The following CAST variants were observed in gnomAD, a reference collection of about 807,000 sequenced individuals.
CAST encodes calpastatin, also known as MIR583 host.
In CAST, 76 loss-of-function variants were observed where a neutral mutation model predicts 119.6. That is an observed-to-expected ratio of 0.64 (90% confidence interval 0.53 to 0.77). CAST has a LOEUF of 0.77. Ranked by LOEUF, CAST falls within the 30% of genes least tolerant of loss-of-function variation. The probability of loss-of-function intolerance (pLI) is 0.00; values close to 1 mark genes in which losing one functional copy is unlikely to be tolerated. For missense variants in CAST, 953 were observed against 946.5 expected (o/e 1.01, Z -0.09); for synonymous variants, 319 against 331.6 (o/e 0.96, Z 0.41).
chr5:96,535,852 C>A (rs1439832730), intron 1 of CAST, among the ~76,000 whole-genome samples: 2 of 150,686 alleles, frequency 1.3e-5, no homozygotes, highest in Admixed American at 1.3e-4. Context: ...GGATTACAGG[C>A]GTGAGCCACT....
the CAST span, among the ~76,000 whole-genome samples, chr5:96,357,933 G>A: frequency 6.6e-6 from 1 of 152,296 alleles, no homozygotes; most frequent in South Asian, 2.1e-4. Context: ...ACCTCTGGTA[G>A]AATTCGGCTG....
chr5:96,379,868 C>A, the CAST span, among the ~76,000 whole-genome samples: 1 of 151,996 alleles, frequency 6.6e-6, no homozygotes, highest in Non-Finnish European at 1.5e-5. Flanking sequence ...CTGGGTTAGC[C>A]CTATCCATGG....
the CAST span, among the ~76,000 whole-genome samples, chr5:96,509,208 A>G: frequency 6.6e-6 from 1 of 152,230 alleles, no homozygotes; most frequent in Non-Finnish European, 1.5e-5. Context: ...TCAGCAAAGA[A>G]CAGACCCAGT....
At chr5:96,435,030 C>T in the CAST span, among the ~76,000 whole-genome samples, 12 of 152,192 alleles carry the variant, frequency 7.9e-5, no homozygotes, top group Non-Finnish European at 1.5e-4. Context: ...GGTAAGCTGT[C>T]TTCTTTTCCC....
rs1425794250 is a variant in CAST, at chr5:96,631,371, T to A, written c.61-44168T>A. Among the ~76,000 whole-genome samples, 4 of 141,022 alleles carry A rather than the reference T, an allele frequency of 2.8e-5. 1 individual carries two copies. The East Asian group carries it at 8.3e-4, about 29-fold the overall frequency. The allele number at this position is 141,022 out of a possible 152,430, so 92.5% of individuals were successfully genotyped here. A position where few individuals can be genotyped will look rare whatever the true frequency, so the allele number is the denominator to read the frequency against. ...TGTAATCATAAAATATGTGTCCTTT[T>A]TTGTCTGACTCCTTTCATTTAGTGT... On this transcript the variant is annotated intron_variant, in intron 1 of 11. Transcript: ENST00000505143.
chr5:96,005,806 T>C, the CAST span, among the ~76,000 whole-genome samples: 1 of 152,050 alleles, frequency 6.6e-6, no homozygotes, highest in Admixed American at 6.6e-5. Flanking sequence ...TTTTTAAAAA[T>C]CTAATTGGAG....
chr5:96,660,029 G>T (rs2351245), upstream of CAST, among the ~76,000 whole-genome samples: 38,902 of 152,100 alleles, frequency 0.26, 6,627 homozygotes, highest in African/African-American at 0.48. Flanking sequence ...AAGCCTGAAG[G>T]TTAGGGTTAT....
the CAST span, among the ~76,000 whole-genome samples, chr5:96,006,283 A>G: frequency 1.3e-5 from 2 of 152,052 alleles, no homozygotes; most frequent in Non-Finnish European, 2.9e-5. Flanking sequence ...GTCCAATCTT[A>G]TGGCTTCCCT....
chr5:96,615,772 T>C (rs1356276386), intron 1 of CAST, among the ~76,000 whole-genome samples: 2 of 152,124 alleles, frequency 1.3e-5, no homozygotes, highest in African/African-American at 4.8e-5. Flanking sequence ...TGACTTATAC[T>C]AGGGCAAGTG....
the CAST span, chr5:96,390,640 A>G: frequency 6.6e-6 from 1 of 152,616 alleles, no homozygotes; most frequent in African/African-American, 2.4e-5. Flanking sequence ...GTTCTTTAAT[A>G]TAATTTATTA....
the CAST span, among the ~76,000 whole-genome samples, chr5:95,994,853 A>G: frequency 6.6e-6 from 1 of 152,156 alleles, no homozygotes; most frequent in African/African-American, 2.4e-5. Context: ...AAAGTCAGAA[A>G]CCTGTCAAAA....
chr5:96,722,488 C>G (rs1758465734), intron 3 of CAST, 151 bp from the exon 4 acceptor site: 1 of 623,794 alleles, frequency 1.6e-6, no homozygotes, highest in Middle Eastern at 2.9e-4. Flanking sequence ...GCTTTCACTA[C>G]TGGACACCAC....
the CAST span, among the ~76,000 whole-genome samples, chr5:96,439,086 A>G: frequency 1.3e-5 from 2 of 152,172 alleles, no homozygotes; most frequent in Non-Finnish European, 2.9e-5. Flanking sequence ...ATAACTGTTC[A>G]CTGGCATAAT....
At chr5:96,574,431 G>T (rs1746629415) in intron 1 of CAST, among the ~76,000 whole-genome samples, 1 of 152,040 alleles carries the variant, frequency 6.6e-6, no homozygotes, top group African/African-American at 2.4e-5. Context: ...TGTATCTTAG[G>T]TACTAGTCAT....
intron 1 of CAST, among the ~76,000 whole-genome samples, chr5:96,628,095 C>G (rs755885978): frequency 6.6e-6 from 1 of 152,202 alleles, no homozygotes; most frequent in Non-Finnish European, 1.5e-5. Context: ...GTTAAGCATC[C>G]TTTTAAAGTG....
chr5:96,376,911 G>A, the CAST span, among the ~76,000 whole-genome samples: 4 of 152,236 alleles, frequency 2.6e-5, no homozygotes, highest in African/African-American at 7.2e-5. Context: ...CCCTTCCAGT[G>A]GGATAAGATG....
intron 15 of CAST, 62 bp downstream of exon 15, chr5:96,741,642 A>G: frequency 1.9e-6 from 2 of 1,073,928 alleles, no homozygotes; most frequent in East Asian, 2.4e-5. Flanking sequence ...TCATTCAGGA[A>G]ACTGCCAGTA....
the CAST span, among the ~76,000 whole-genome samples, chr5:96,051,941 C>T: frequency 2.0e-5 from 3 of 152,000 alleles, no homozygotes. Flanking sequence ...TATAATAGTA[C>T]AATACCATTT....
In CAST at chr5:96,742,752, A is replaced by C. The variant is rs144157006; in HGVS notation, c.1196A>C (p.Asp399Ala). Residue 399 changes from aspartate (D) to alanine (A), a missense_variant, in exon 16 of 32, where the codon GAT becomes GCT. By Grantham distance (126) the Asp-to-Ala change is moderately radical. Transcript: ENST00000675179. ...GACCTCCGCTCAATTAAGGAAGTCG[A>C]TGAGGTACTGACCTTAGAGTTGATT... is the stretch of plus-strand genomic sequence containing the variant. ...ELDLRSIKEV[D>A]EAKAKEEKLE... The C allele has an allele frequency of 5.1e-5, 82 of 1,610,776 alleles. No individual in the cohort carries two copies. In the African/African-American group the frequency reaches 1.1e-3, roughly 21 times the overall value.
Sources: allele counts gnomAD v4.1 joint callset (sites outside exome capture counted in the v4.1 genomes callset), GRCh38; gene constraint gnomAD v4.1.1; transcripts MANE v1.5; gene names NCBI Gene and HGNC (gene_info 2026-07-23, HGNC 2026-07-21).